CDH4: variants seen among roughly 807,000 people sequenced by gnomAD.
CDH4 encodes cadherin 4, also known as cadherin-4.
In CDH4, 33 loss-of-function variants were observed where a neutral mutation model predicts 86.0. The ratio of observed to expected loss-of-function variants is 0.38; its 90% CI spans 0.29 to 0.51. CDH4 has a LOEUF of 0.51. CDH4 is among the 20% of genes least tolerant of loss of function. CDH4 has a pLI of 0.86. For missense variants in CDH4, 1,114 were observed against 1,307.4 expected, an observed-to-expected ratio of 0.85 and a Z score of 2.28; for synonymous variants, 555 against 549.4, an observed-to-expected ratio of 1.01 and a Z score of -0.14.
intron 2 of CDH4, among the ~76,000 whole-genome samples, chr20:61,493,293 A>C (rs553839694): frequency 6.6e-6 from 1 of 151,992 alleles, no homozygotes. Context: ...TGTTTCCATC[A>C]TATGTGAAGC....
At chr20:61,863,815 G>A (rs936609529) in intron 6 of CDH4, among the ~76,000 whole-genome samples, 1 of 152,160 alleles carries the variant, frequency 6.6e-6, no homozygotes, top group South Asian at 2.1e-4. Flanking sequence ...CTAGTGCCAA[G>A]CCCCACCTGG....
intron 4 of CDH4, among the ~76,000 whole-genome samples, chr20:61,792,049 G>A (rs1979232489): frequency 6.6e-6 from 1 of 152,164 alleles, no homozygotes; most frequent in African/African-American, 2.4e-5. Flanking sequence ...TGGTGGGGCT[G>A]GAAGGTTAAG....
chr20:61,886,837 T>C (rs1984564587), intron 7 of CDH4, among the ~76,000 whole-genome samples: 1 of 152,146 alleles, frequency 6.6e-6, no homozygotes, highest in South Asian at 2.1e-4. Flanking sequence ...GCGAGGCCTG[T>C]TGGGGCACCG....
chr20:61,835,575 C>G (rs956722843), intron 4 of CDH4, among the ~76,000 whole-genome samples: 2 of 152,120 alleles, frequency 1.3e-5, no homozygotes, highest in African/African-American at 4.8e-5. Flanking sequence ...GGAGGAGGGT[C>G]GGCCCACAGA....
chr20:61,647,930 C>A (rs2087082547), intron 2 of CDH4, among the ~76,000 whole-genome samples: 1 of 152,146 alleles, frequency 6.6e-6, no homozygotes, highest in African/African-American at 2.4e-5. Flanking sequence ...ATGAGCACAC[C>A]CCTGCAGGGG....
intron 2 of CDH4, among the ~76,000 whole-genome samples, chr20:61,611,696 C>T (rs539885429): frequency 3.9e-5 from 6 of 152,272 alleles, no homozygotes; most frequent in African/African-American, 1.4e-4. Context: ...CTTGGTTGCA[C>T]GCTCAGGCCA....
intron 2 of CDH4, among the ~76,000 whole-genome samples, chr20:61,458,341 G>A (rs1393765088): frequency 6.6e-6 from 1 of 151,272 alleles, no homozygotes; most frequent in Non-Finnish European, 1.5e-5. Flanking sequence ...TCATGAGGGT[G>A]AGGGCAGTGC....
intron 2 of CDH4, among the ~76,000 whole-genome samples, chr20:61,690,152 T>C (rs185391199): frequency 3.5e-5 from 5 of 144,720 alleles, no homozygotes; most frequent in Admixed American, 3.4e-4. Context: ...GGTGAGGTGA[T>C]GTGGTCATCC....
At chr20:61,714,329 A>G in intron 2 of CDH4, among the ~76,000 whole-genome samples, 1 of 152,150 alleles carries the variant, frequency 6.6e-6, no homozygotes, top group South Asian at 2.1e-4. Context: ...TACAGGCGTG[A>G]GCCACCACGC....
chr20:61,615,112 GTTGTTT>G (rs1256383781), intron 2 of CDH4, among the ~76,000 whole-genome samples: 2 of 120,812 alleles, frequency 1.7e-5, no homozygotes, highest in Non-Finnish European at 3.4e-5. Context: ...TTTTTTTGTT[GTTGTTT>G]TTGTTTTTTT....
At chr20:61,613,799 C>A (rs1007037759) in intron 2 of CDH4, among the ~76,000 whole-genome samples, 1 of 151,380 alleles carries the variant, frequency 6.6e-6, no homozygotes, top group Non-Finnish European at 1.5e-5. Flanking sequence ...ATCGACTCTA[C>A]AGACTTCTTG....
In CDH4 at chr20:61,400,103, C is replaced by T. The variant is rs998601876; in HGVS notation, c.169+145166C>T. ...GTGGCCTGGCCCTAACTGTAGAGAA[C>T]AGCCATGCCCAGGCTGGCTTCAATC... On this transcript the variant is annotated intron_variant, in intron 2 of 15. Coordinates refer to ENST00000614565, the MANE Select transcript of CDH4 (RefSeq NM_001794.5). 3.9e-5 allele frequency among the ~76,000 whole-genome samples: 6 copies of T among 152,314 alleles called. No individual in the cohort carries two copies. In the South Asian group the frequency reaches 1.2e-3, roughly 32 times the overall value.
chr20:61,601,130 C>T (rs909359931), intron 2 of CDH4, among the ~76,000 whole-genome samples: 1 of 152,214 alleles, frequency 6.6e-6, no homozygotes, highest in East Asian at 1.9e-4. Context: ...CCGGCATCTG[C>T]TCAGCTTCTG....
chr20:61,476,109 G>A (rs1353446695), intron 2 of CDH4, among the ~76,000 whole-genome samples: 1 of 152,242 alleles, frequency 6.6e-6, no homozygotes, highest in African/African-American at 2.4e-5. Flanking sequence ...ATGAGGACAC[G>A]CGGTGGTTCT....
rs1463446808 is a variant in CDH4 at position 61,453,899 on chromosome 20, G to C, written c.169+198962G>C. On this transcript the variant is annotated intron_variant, in intron 2 of 15. Transcript: ENST00000614565. Reference sequence around the variant, plus strand: ...GTGAGCGAGTTCTCACAAGATCTGAGGGTTTTATAAGGGGCTTTTCCCTCT... The same window carrying C: ...GTGAGCGAGTTCTCACAAGATCTGACGGTTTTATAAGGGGCTTTTCCCTCT... 3.9e-5 allele frequency among the ~76,000 whole-genome samples: 6 copies of C among 152,100 alleles called. No individual in the cohort carries two copies. The East Asian group carries it at 1.2e-3, about 29-fold the overall frequency.
chr20:61,482,866 C>T (rs556972269), intron 2 of CDH4, among the ~76,000 whole-genome samples: 6 of 152,316 alleles, frequency 3.9e-5, no homozygotes, highest in East Asian at 1.9e-4. Flanking sequence ...TGAGTGAATC[C>T]GCACGTCCGC....
Position 61,351,002 on chromosome 20 carries a change from C to T in CDH4, c.169+96065C>T, listed in dbSNP as rs568633931. Among the ~76,000 whole-genome samples the T allele has an allele frequency of 2.0e-5, 3 of 152,306 alleles. No individual in the cohort carries two copies. The South Asian group carries it at 6.2e-4, about 32-fold the overall frequency. ...GCATGTGCTGCATCCTGAACGCCAA[C>T]AAACCTGTGTTCACGGTGGTGCTGG... On this transcript the variant is annotated intron_variant, in intron 2 of 15. Coordinates refer to ENST00000614565, the MANE Select transcript of CDH4 (RefSeq NM_001794.5).
At chr20:61,334,015 T>C (rs1381051413) in intron 2 of CDH4, among the ~76,000 whole-genome samples, 3 of 152,208 alleles carry the variant, frequency 2.0e-5, no homozygotes, top group Non-Finnish European at 4.4e-5. Flanking sequence ...GGGTAGCCCC[T>C]GTCCATCCTG....
intron 2 of CDH4, among the ~76,000 whole-genome samples, chr20:61,737,626 G>C (rs1030561018): frequency 6.6e-6 from 1 of 152,200 alleles, no homozygotes; most frequent in Non-Finnish European, 1.5e-5. Context: ...GGACGACCTT[G>C]ACCTTGTGTG....
Sources: gnomAD v4.1 joint callset for allele counts (sites outside exome capture counted in the v4.1 genomes callset) on GRCh38, gnomAD v4.1.1 for gene constraint, MANE v1.5 for transcripts, NCBI Gene and HGNC (gene_info 2026-07-23, HGNC 2026-07-21) for gene names.